Variants in PCTP observed in about 807,000 individuals in gnomAD.
The protein encoded by PCTP is START domain-containing protein 2.
Under a neutral mutation model 31.0 loss-of-function variants are expected in PCTP, and 27 were observed. The observed-to-expected ratio is 0.87, with a 90% confidence interval of 0.64 to 1.20. The LOEUF (loss-of-function observed/expected upper bound fraction) is 1.20, where lower values mean the gene tolerates loss of function less well. Among genes scored for constraint, PCTP ranks in the 50% most tolerant of loss-of-function variants. The pLI, the probability that PCTP is intolerant of heterozygous loss-of-function variation, is 0.00. For missense variants in PCTP, 287 were observed against 268.2 expected (o/e 1.07, Z -0.49); for synonymous variants, 108 against 101.2 (o/e 1.07, Z -0.40).
rs192655040 is a variant in PCTP at position 55,835,901 on chromosome 17, G to A, written n.506-6826G>A. ...ATACTATTTTAATTGATTCCAACTG[G>A]GTCATGTGTCCTGCCCTGGAGATTT... On this transcript the variant is annotated intron_variant and non_coding_transcript_variant, in intron 5 of 5. Transcript: ENST00000576221. Among the ~76,000 whole-genome samples the A allele has an allele frequency of 3.3e-5, 5 of 152,282 alleles. No homozygotes were observed. In the East Asian group the frequency reaches 7.7e-4, roughly 23 times the overall value.
intron 2 of PCTP, among the ~76,000 whole-genome samples, chr17:55,782,998 T>C (rs899883617): frequency 9.9e-5 from 15 of 152,164 alleles, no homozygotes; most frequent in Admixed American, 2.6e-4. Context: ...AAGGAATAAA[T>C]GAATCAATGG....
At chr17:55,843,659 A>T (rs1906057324), downstream of PCTP, among the ~76,000 whole-genome samples, 1 of 151,988 alleles carries the variant, frequency 6.6e-6, no homozygotes, top group Non-Finnish European at 1.5e-5. Flanking sequence ...CCCCAGGCAA[A>T]CCTCTCGCAT....
At chr17:55,845,754 C>G (rs948267640), downstream of PCTP, among the ~76,000 whole-genome samples, 13 of 151,884 alleles carry the variant, frequency 8.6e-5, no homozygotes, top group African/African-American at 3.1e-4. Context: ...GAGGGCCGAG[C>G]CCCCCCGTGA....
chr17:55,806,397 AG>A (rs1912583960), intron 3 of PCTP, among the ~76,000 whole-genome samples: 1 of 152,172 alleles, frequency 6.6e-6, no homozygotes, highest in African/African-American at 2.4e-5. Context: ...ATAATGTGGT[AG>A]AAGTATTTAT....
chr17:55,840,252 T>G (rs1567736358), intron 5 of PCTP, among the ~76,000 whole-genome samples: 1 of 152,176 alleles, frequency 6.6e-6, no homozygotes, highest in African/African-American at 2.4e-5. Context: ...GGCTACTTAA[T>G]GTAAAGCCAT....
chr17:55,783,953 C>T (rs1268874400), intron 2 of PCTP, among the ~76,000 whole-genome samples: 2 of 152,190 alleles, frequency 1.3e-5, no homozygotes, highest in Non-Finnish European at 2.9e-5. Flanking sequence ...ATCGCTGAAG[C>T]TCCATGTCTT....
intron 5 of PCTP, among the ~76,000 whole-genome samples, chr17:55,833,547 G>A (rs963935409): frequency 6.6e-6 from 1 of 152,166 alleles, no homozygotes; most frequent in Non-Finnish European, 1.5e-5. Flanking sequence ...TTCAAAATTA[G>A]TGGTTTTCAA....
At chr17:55,752,445 C>T (rs959424632) in intron 1 of PCTP, among the ~76,000 whole-genome samples, 1 of 152,140 alleles carries the variant, frequency 6.6e-6, no homozygotes, top group Non-Finnish European at 1.5e-5. Flanking sequence ...TGACCCCATA[C>T]CTCTCCCGGG....
chr17:55,792,387 G>A (rs1329500712), intron 3 of PCTP, among the ~76,000 whole-genome samples: 2 of 151,172 alleles, frequency 1.3e-5, no homozygotes, highest in African/African-American at 4.8e-5. Context: ...AGTTTGAAAA[G>A]GAGGGAATGT....
chr17:55,764,813 C>G (rs201468447), intron 1 of PCTP, among the ~76,000 whole-genome samples: 1 of 152,308 alleles, frequency 6.6e-6, no homozygotes, highest in East Asian at 1.9e-4. Flanking sequence ...GTAACACGGC[C>G]TTAGCACATG....
At chr17:55,775,375 C>G in intron 5 of PCTP, 1 of 1,232,068 alleles carries the variant, frequency 8.1e-7, no homozygotes, top group Non-Finnish European at 1.0e-6. Flanking sequence ...TTATGGGGAC[C>G]ATCAGCCTGC....
intron 5 of PCTP, 118 bp downstream of exon 5, chr17:55,774,977 C>T: frequency 8.7e-7 from 1 of 1,154,984 alleles, no homozygotes; most frequent in Non-Finnish European, 1.3e-6. Flanking sequence ...TAATGAGGCT[C>T]TTTTATGAAG....
intron 5 of PCTP, chr17:55,775,683 A>C: frequency 8.2e-7 from 1 of 1,214,462 alleles, no homozygotes; most frequent in South Asian, 3.8e-5. Flanking sequence ...TTTCTAATTC[A>C]GTAAAGCAAG....
intron 1 of PCTP, among the ~76,000 whole-genome samples, chr17:55,758,506 A>G (rs1483699133): frequency 1.3e-5 from 2 of 152,212 alleles, no homozygotes; most frequent in African/African-American, 2.4e-5. Context: ...TAATAAGCCA[A>G]TTAGCATCAT....
intron 5 of PCTP, among the ~76,000 whole-genome samples, chr17:55,837,929 G>A (rs1905830050): frequency 6.6e-6 from 1 of 152,036 alleles, no homozygotes; most frequent in South Asian, 2.1e-4. Context: ...TTGAGGCCAG[G>A]AGTTTGAGAC....
At chr17:55,810,927 AAACCTTGGATTTTTCTTTT>A (rs1251217698) in intron 3 of PCTP, among the ~76,000 whole-genome samples, 3 of 152,192 alleles carry the variant, frequency 2.0e-5, no homozygotes, top group Admixed American at 2.0e-4. Flanking sequence ...AGCCATCTTA[AAACCTTGGATTTTTCTTTT>A]ATTGCAGAGT....
At chr17:55,775,438 AAAGCACATC>A in intron 5 of PCTP, 1 of 1,231,748 alleles carries the variant, frequency 8.1e-7, no homozygotes, top group South Asian at 4.1e-5. Context: ...GAAGAGTGAA[AAAGCACATC>A]AACTTTGGAG....
At chr17:55,799,280 A>C (rs188391469) in intron 3 of PCTP, among the ~76,000 whole-genome samples, 1 of 152,242 alleles carries the variant, frequency 6.6e-6, no homozygotes, top group African/African-American at 2.4e-5. Flanking sequence ...AAATGCAAAA[A>C]GGTTAAAAGT....
At chr17:55,839,919 CAAAAAAAA>C (rs57402824) in intron 5 of PCTP, among the ~76,000 whole-genome samples, 3 of 12,506 alleles carry the variant, frequency 2.4e-4, no homozygotes, top group Non-Finnish European at 3.2e-4. Context: ...GACTCAGTCT[CAAAAAAAA>C]AAAAAAAAAA....
Sources: allele counts gnomAD v4.1 joint callset (sites outside exome capture counted in the v4.1 genomes callset), GRCh38; gene constraint gnomAD v4.1.1; transcripts MANE v1.5; gene names NCBI Gene and HGNC (gene_info 2026-07-23, HGNC 2026-07-21).